FBXL7: variants seen among roughly 807,000 people sequenced by gnomAD.
FBXL7 encodes F-box and leucine rich repeat protein 7.
FBXL7 carries 12 observed loss-of-function variants against 38.3 expected under a neutral mutation model. The ratio of observed to expected loss-of-function variants is 0.31; its 90% CI spans 0.20 to 0.51. The LOEUF (loss-of-function observed/expected upper bound fraction) is 0.51, where lower values mean the gene tolerates loss of function less well. Among genes scored for constraint, FBXL7 ranks in the 20% least tolerant of loss-of-function variants. FBXL7 has a pLI of 0.98. For missense variants in FBXL7, 567 were observed against 676.4 expected, an observed-to-expected ratio of 0.84 and a Z score of 1.79; for synonymous variants, 297 against 300.9, an observed-to-expected ratio of 0.99 and a Z score of 0.13.
chr5:15,718,939 A>C (rs1048250111), intron 2 of FBXL7, among the ~76,000 whole-genome samples: 1 of 152,176 alleles, frequency 6.6e-6, no homozygotes, highest in African/African-American at 2.4e-5. Flanking sequence ...TATGTTGGCT[A>C]CACTTTCTCA....
intron 2 of FBXL7, among the ~76,000 whole-genome samples, chr5:15,711,278 G>A (rs1023786371): frequency 6.6e-6 from 1 of 152,200 alleles, no homozygotes; most frequent in Non-Finnish European, 1.5e-5. Flanking sequence ...GGAGATTCCT[G>A]GCTTGCAGCT....
intron 2 of FBXL7, among the ~76,000 whole-genome samples, chr5:15,808,639 A>G (rs1265126388): frequency 6.6e-6 from 1 of 152,174 alleles, no homozygotes; most frequent in Non-Finnish European, 1.5e-5. Context: ...ATAAAGTATA[A>G]AGAGATTTAT....
chr5:15,756,627 G>A (rs1435709335), intron 2 of FBXL7, among the ~76,000 whole-genome samples: 1 of 152,128 alleles, frequency 6.6e-6, no homozygotes, highest in Non-Finnish European at 1.5e-5. Flanking sequence ...TAGCTGTGCT[G>A]TTCTTAACCA....
At chr5:15,760,469 A>G (rs1196113131) in intron 2 of FBXL7, among the ~76,000 whole-genome samples, 2 of 151,974 alleles carry the variant, frequency 1.3e-5, no homozygotes, top group Non-Finnish European at 2.9e-5. Flanking sequence ...CCTAGATGAA[A>G]GTATTCAGGT....
At chr5:15,656,838 A>G (rs1741898139) in intron 2 of FBXL7, among the ~76,000 whole-genome samples, 1 of 152,160 alleles carries the variant, frequency 6.6e-6, no homozygotes, top group Non-Finnish European at 1.5e-5. Flanking sequence ...AACTCATTTT[A>G]TATAAAATGA....
chr5:15,677,231 A>G (rs1215550882), intron 2 of FBXL7, among the ~76,000 whole-genome samples: 1 of 152,194 alleles, frequency 6.6e-6, no homozygotes, highest in Non-Finnish European at 1.5e-5. Flanking sequence ...ACACTTTGGG[A>G]GGCCAAGGCG....
chr5:15,776,203 TA>T (rs1736854850), intron 2 of FBXL7, among the ~76,000 whole-genome samples: 1 of 152,064 alleles, frequency 6.6e-6, no homozygotes, highest in South Asian at 2.1e-4. Context: ...TTCGGATTAA[TA>T]AAGTGTGAAC....
At chr5:15,647,699 A>C (rs1199694466) in intron 2 of FBXL7, among the ~76,000 whole-genome samples, 1 of 152,238 alleles carries the variant, frequency 6.6e-6, no homozygotes, top group Admixed American at 6.5e-5. Context: ...CCAGTAACAG[A>C]GGAAGAGGAA....
At chr5:15,675,846 G>C (rs1022484456) in intron 2 of FBXL7, among the ~76,000 whole-genome samples, 1 of 152,178 alleles carries the variant, frequency 6.6e-6, no homozygotes, top group Non-Finnish European at 1.5e-5. Flanking sequence ...CTGTATAATT[G>C]TGTTATTCCT....
At position 15,645,583 on chromosome 5, in the gene FBXL7, ATCAGGACT is replaced by A. The variant is rs1215473568; in HGVS notation, c.127+29514_127+29521del. 4.6e-5 allele frequency among the ~76,000 whole-genome samples: 7 copies of A among 152,328 alleles called. No homozygotes were observed. In the East Asian group the frequency reaches 1.2e-3, roughly 25 times the overall value. ...GCCCCAACTACCGTGGGCACATGTC[ATCAGGACT>A]TCCTGAGGCTGAGTCACGGGCACAT... On this transcript the variant is annotated intron_variant, in intron 2 of 3. Coordinates refer to ENST00000504595, the MANE Select transcript of FBXL7 (RefSeq NM_012304.5).
intron 2 of FBXL7, among the ~76,000 whole-genome samples, chr5:15,880,511 G>A (rs907029703): frequency 1.3e-5 from 2 of 152,122 alleles, no homozygotes; most frequent in African/African-American, 4.8e-5. Flanking sequence ...TACAGAAATT[G>A]AGAGGAAGCA....
chr5:15,565,839 G>A (rs1040909446), intron 1 of FBXL7, among the ~76,000 whole-genome samples: 6 of 152,022 alleles, frequency 3.9e-5, no homozygotes, highest in Admixed American at 2.6e-4. Flanking sequence ...TTCTATTCCG[G>A]CCTTCAACTA....
chr5:15,666,114 C>T (rs989362357), intron 2 of FBXL7, among the ~76,000 whole-genome samples: 3 of 152,086 alleles, frequency 2.0e-5, no homozygotes, highest in Non-Finnish European at 4.4e-5. Flanking sequence ...CAAAATAGCT[C>T]CTCCTAAAGT....
intron 2 of FBXL7, among the ~76,000 whole-genome samples, chr5:15,624,330 G>T (rs1335553478): frequency 6.6e-6 from 1 of 152,180 alleles, no homozygotes; most frequent in Non-Finnish European, 1.5e-5. Flanking sequence ...TCTCTCAGGG[G>T]TGAGTTCTCT....
chr5:15,522,561 C>G (rs1352337648), intron 1 of FBXL7, among the ~76,000 whole-genome samples: 1 of 152,084 alleles, frequency 6.6e-6, no homozygotes, highest in African/African-American at 2.4e-5. Flanking sequence ...TCCAGACATC[C>G]CTGACTTAGG....
intron 2 of FBXL7, among the ~76,000 whole-genome samples, chr5:15,766,876 C>G (rs932596226): frequency 6.6e-6 from 1 of 152,214 alleles, no homozygotes; most frequent in Non-Finnish European, 1.5e-5. Flanking sequence ...TCTACCGTGA[C>G]GAGCAGAACA....
intron 2 of FBXL7, among the ~76,000 whole-genome samples, chr5:15,868,123 AATG>A (rs1156878583): frequency 6.6e-6 from 1 of 151,430 alleles, no homozygotes; most frequent in Non-Finnish European, 1.5e-5. Flanking sequence ...AAAAAAAAAA[AATG>A]GAGGAAAGGG....
chr5:15,832,901 G>GT (rs1247579112), intron 2 of FBXL7, among the ~76,000 whole-genome samples: 1 of 152,062 alleles, frequency 6.6e-6, no homozygotes, highest in Non-Finnish European at 1.5e-5. Context: ...AAAGGACCCG[G>GT]TGGGAGGTAA....
At chr5:15,584,346 C>T (rs144774839) in intron 1 of FBXL7, among the ~76,000 whole-genome samples, 1,758 of 152,308 alleles carry the variant, frequency 0.012, 27 homozygotes, top group African/African-American at 0.039. Flanking sequence ...GGCCAGGCTG[C>T]AAATTTTCCA....
Sources: gnomAD v4.1 joint callset for allele counts (sites outside exome capture counted in the v4.1 genomes callset) on GRCh38, gnomAD v4.1.1 for gene constraint, MANE v1.5 for transcripts, NCBI Gene and HGNC (gene_info 2026-07-23, HGNC 2026-07-21) for gene names.